The following CLSTN2 variants were observed in gnomAD, a reference collection of about 807,000 sequenced individuals.
CLSTN2 encodes the protein calsyntenin 2, also known as calsyntenin-2.
A neutral mutation model predicts 101.2 loss-of-function variants in CLSTN2; 48 were observed. The ratio of observed to expected loss-of-function variants is 0.47; its 90% confidence interval spans 0.38 to 0.60. The LOEUF (loss-of-function observed/expected upper bound fraction) is 0.60. CLSTN2 is among the 20% of genes least tolerant of loss of function. The pLI is 0.00. For missense variants in CLSTN2, 1,160 were observed against 1,238.2 expected (o/e 0.94, Z 0.95); for synonymous variants, 481 against 463.6 (o/e 1.04, Z -0.48).
intron 1 of CLSTN2, among the ~76,000 whole-genome samples, chr3:140,121,642 C>T (rs971153987): frequency 3.9e-5 from 6 of 152,180 alleles, no homozygotes; most frequent in Admixed American, 6.5e-5. Context: ...GGAGTCTCCT[C>T]ACCTCTTCCA....
chr3:140,548,357 A>G (rs550443841), intron 10 of CLSTN2, among the ~76,000 whole-genome samples: 33 of 152,298 alleles, frequency 2.2e-4, no homozygotes, highest in South Asian at 1.0e-3. Flanking sequence ...TAAACGTTTT[A>G]TGGGTATTGA....
intron 1 of CLSTN2, among the ~76,000 whole-genome samples, chr3:140,140,302 C>T (rs1020773703): frequency 4.6e-5 from 7 of 152,160 alleles, no homozygotes; most frequent in African/African-American, 1.7e-4. Flanking sequence ...TTCTGCAAGC[C>T]GTACAAGAAG....
At chr3:140,434,177 C>G (rs2088665054) in intron 5 of CLSTN2, among the ~76,000 whole-genome samples, 1 of 152,136 alleles carries the variant, frequency 6.6e-6, no homozygotes, top group Admixed American at 6.5e-5. Context: ...CAGAACAGTG[C>G]CCCCTTCTCC....
Position 140,558,821 on chromosome 3 carries a change from G to A in CLSTN2, c.2005G>A (p.Ala669Thr), listed in dbSNP as rs137889465. The A allele has an allele frequency of 3.2e-5, 51 of 1,613,938 alleles. No individual in the cohort carries two copies. The highest frequency in any genetic ancestry group is 1.2e-4 in the African/African-American group (9 of 74,988). The change falls in exon 12 of 17, where the codon GCC (alanine) becomes ACC (threonine). Residue 669 changes from alanine (A) to threonine (T), a missense_variant. Physicochemically the swap from Ala to Thr is moderately conservative, Grantham distance 58 (BLOSUM62 0). Coordinates refer to ENST00000458420, the MANE Select transcript of CLSTN2 (RefSeq NM_022131.3). ...TGATATCAAGATTGTGAGCACCTTC[G>A]CCAAAACCGAAGCCCCCGGGGACGT... ...FPDIKIVSTF[A>T]KTEAPGDVKT...
At chr3:140,366,661 A>G (rs748437916) in intron 2 of CLSTN2, among the ~76,000 whole-genome samples, 2 of 152,088 alleles carry the variant, frequency 1.3e-5, no homozygotes, top group Admixed American at 6.5e-5. Context: ...CACTCTCTGC[A>G]CCAGCTCAGA....
At chr3:140,318,652 C>T (rs80031611) in intron 2 of CLSTN2, among the ~76,000 whole-genome samples, 3,901 of 152,216 alleles carry the variant, frequency 0.026, 153 homozygotes, top group African/African-American at 0.087. Context: ...TAAATGTCTC[C>T]AAATGCTAGA....
intron 1 of CLSTN2, among the ~76,000 whole-genome samples, chr3:140,168,029 G>T (rs1270311747): frequency 6.6e-6 from 1 of 152,156 alleles, no homozygotes; most frequent in Non-Finnish European, 1.5e-5. Context: ...TTCTATACAA[G>T]TCTTTCGTGT....
chr3:140,565,386 C>G lies in CLSTN2; in HGVS notation c.2668-667C>G, dbSNP rs1376497728. 2.0e-5 allele frequency among the ~76,000 whole-genome samples: 3 copies of G among 151,922 alleles called. No homozygotes were observed. The East Asian group carries it at 5.8e-4, about 29-fold the overall frequency. On this transcript the variant is annotated intron_variant, in intron 16 of 16. Transcript: ENST00000458420. The stretch of plus-strand genomic sequence containing the variant: ...AGCAAGGAGAAACAACTTTTATGAC[C>G]TGGTTCATCAATGCAGAACATAAAT...
At chr3:140,193,268 T>G (rs990955193) in intron 2 of CLSTN2, among the ~76,000 whole-genome samples, 1 of 148,090 alleles carries the variant, frequency 6.8e-6, no homozygotes, top group Non-Finnish European at 1.5e-5. Flanking sequence ...ATAGTTTTTT[T>G]TTTTTTTTTT....
At chr3:140,324,327 A>G (rs1022602884) in intron 2 of CLSTN2, among the ~76,000 whole-genome samples, 5 of 152,246 alleles carry the variant, frequency 3.3e-5, no homozygotes, top group Non-Finnish European at 7.3e-5. Context: ...TAAACAGTCC[A>G]TGTTGTACCC....
chr3:140,290,644 C>CCCTGGTTGCGATCCTCCAGAGT (rs1272743025), intron 2 of CLSTN2, among the ~76,000 whole-genome samples: 1 of 152,212 alleles, frequency 6.6e-6, no homozygotes, highest in Admixed American at 6.5e-5. Context: ...GAAAGGCTTT[C>CCCTGGTTGCGATCCTCCAGAGT]CCTGGTTGCG....
chr3:139,979,735 G>A lies in CLSTN2; in HGVS notation c.109+44252G>A, dbSNP rs565211126. ...CCCTGAGGAATACTATTTAATTTTT[G>A]AAAATCAAGATGAACTCTTTACTCT... On this transcript the variant is annotated intron_variant, in intron 1 of 16. Transcript: ENST00000458420. Among the ~76,000 whole-genome samples the A allele has an allele frequency of 3.3e-5, 5 of 152,008 alleles. No individual in the cohort carries two copies. The South Asian group carries it at 1.0e-3, about 32-fold the overall frequency.
intron 1 of CLSTN2, among the ~76,000 whole-genome samples, chr3:140,098,887 A>G (rs1306251833): frequency 6.6e-6 from 1 of 152,196 alleles, no homozygotes; most frequent in Admixed American, 6.5e-5. Flanking sequence ...CCATGTCAAA[A>G]AGAAAAGTGG....
chr3:140,550,049 A>G (rs1249822464), intron 10 of CLSTN2, among the ~76,000 whole-genome samples: 1 of 150,948 alleles, frequency 6.6e-6, no homozygotes, highest in Non-Finnish European at 1.5e-5. Context: ...CCAATTTTTC[A>G]TCTCCATCAT....
intron 16 of CLSTN2, 64 bp downstream of exon 16, chr3:140,564,209 T>C (rs1052784540): frequency 6.7e-7 from 1 of 1,491,590 alleles, no homozygotes; most frequent in African/African-American, 1.4e-5. Flanking sequence ...AGCTCAACCC[T>C]TCCTATGCCT....
chr3:140,343,930 A>G (rs933176047), intron 2 of CLSTN2, among the ~76,000 whole-genome samples: 2 of 152,200 alleles, frequency 1.3e-5, no homozygotes, highest in Admixed American at 1.3e-4. Flanking sequence ...CTGTGTGCTC[A>G]GAACTGTGCT....
At chr3:140,489,237 C>T (rs921249543) in intron 8 of CLSTN2, among the ~76,000 whole-genome samples, 3 of 152,064 alleles carry the variant, frequency 2.0e-5, no homozygotes, top group Non-Finnish European at 4.4e-5. Context: ...GGCTTCTGCA[C>T]AGCTGGTAAG....
At chr3:140,387,516 C>T (rs2088066271) in intron 2 of CLSTN2, among the ~76,000 whole-genome samples, 1 of 152,182 alleles carries the variant, frequency 6.6e-6, no homozygotes, top group East Asian at 1.9e-4. Flanking sequence ...TGTTGTTCCT[C>T]CTTAATTTCC....
rs201344782 is a variant in CLSTN2, at chr3:140,417,549, TA to T, written c.638-3567del. On this transcript the variant is annotated intron_variant, in intron 4 of 16. Transcript: ENST00000458420. Reference sequence around the variant, plus strand: ...CCCCTCAGCCCCCACTCTCCGAGTTTAAAAAAAAATACCTAAACTAATGTGT... The same window carrying T: ...CCCCTCAGCCCCCACTCTCCGAGTTTAAAAAAAATACCTAAACTAATGTGT... Among the ~76,000 whole-genome samples the T allele has an allele frequency of 7.6e-3, 1,146 of 151,452 alleles. 9 individuals carry two copies. Among genetic ancestry groups the T allele is most frequent in the Middle Eastern group, 0.031 (9 of 290 alleles).
Sources: gnomAD v4.1 joint callset for allele counts (sites outside exome capture counted in the v4.1 genomes callset) on GRCh38, gnomAD v4.1.1 for gene constraint, MANE v1.5 for transcripts, NCBI Gene and HGNC (gene_info 2026-07-23, HGNC 2026-07-21) for gene names.